Variants in ATG4C observed in about 807,000 individuals in gnomAD.
The protein encoded by ATG4C is autophagy related 4C cysteine peptidase.
Under a neutral mutation model 57.6 loss-of-function variants are expected in ATG4C, and 56 were observed. That is an observed-to-expected ratio of 0.97 (90% CI 0.78 to 1.21). The LOEUF is 1.21. ATG4C is among the 50% of genes most tolerant of loss of function. The probability of loss-of-function intolerance (pLI) is 0.00; values close to 1 mark genes in which losing one functional copy is unlikely to be tolerated. For missense variants in ATG4C, 595 were observed against 529.8 expected, an observed-to-expected ratio of 1.12 and a Z score of -1.21; for synonymous variants, 157 against 174.1, an observed-to-expected ratio of 0.90 and a Z score of 0.78.
chr1:62,819,720 G>T (rs893948589), intron 5 of ATG4C, among the ~76,000 whole-genome samples: 4 of 151,862 alleles, frequency 2.6e-5, no homozygotes, highest in African/African-American at 9.7e-5. Flanking sequence ...GTAATGAAAT[G>T]TCAAGAGCTA....
Position 62,816,809 on chromosome 1 carries a change from G to T in ATG4C, c.394+1G>T. The T allele has an allele frequency of 1.3e-6, 2 of 1,511,320 alleles. No individual in the cohort carries two copies. Among genetic ancestry groups the T allele is most frequent in the Non-Finnish European group, 1.8e-6 (2 of 1,126,258 alleles). The allele number at this position is 1,511,320 out of a possible 1,614,324, so 93.6% of individuals were successfully genotyped here. A position where few individuals can be genotyped will look rare whatever the true frequency, so the allele number is the denominator to read the frequency against. On this transcript the variant is annotated splice_donor_variant, in intron 4 of 10. Coordinates refer to ENST00000317868, the MANE Select transcript of ATG4C (RefSeq NM_032852.4). LOFTEE classifies it high-confidence loss of function. ...CTCATACTACACTTTCTTGGTAGAGGTAAATCAAATTTCTGTTTTTGTTTT... is the reference window on the plus strand; with the variant it reads ...CTCATACTACACTTTCTTGGTAGAGTTAAATCAAATTTCTGTTTTTGTTTT...
chr1:62,829,124 C>T lies in ATG4C; in HGVS notation c.881C>T (p.Pro294Leu). 4 of 1,613,036 alleles carry T rather than the reference C, an allele frequency of 2.5e-6. No individual in the cohort carries two copies. Among genetic ancestry groups the T allele is most frequent in the Non-Finnish European group, 3.4e-6 (4 of 1,179,394 alleles). ...ADDKAVIILV[P>L]VRLGGERTNT... ...GACAAAGCTGTTATTATTCTAGTTC[C>T]TGTTAGACTTGGTGGAGAAAGAACC... The change falls in exon 7 of 11, where the codon CCT (proline) becomes CTT (leucine). Residue 294 changes from proline (P) to leucine (L), a missense_variant. Coordinates refer to ENST00000317868, the MANE Select transcript of ATG4C (RefSeq NM_032852.4).
At chr1:62,858,595 A>G (rs1666755887) in intron 10 of ATG4C, among the ~76,000 whole-genome samples, 1 of 152,202 alleles carries the variant, frequency 6.6e-6, no homozygotes. Context: ...GAATCAATGA[A>G]GGAGGAGATA....
intron 10 of ATG4C, among the ~76,000 whole-genome samples, chr1:62,860,190 G>A (rs1666807540): frequency 6.6e-6 from 1 of 152,106 alleles, no homozygotes; most frequent in South Asian, 2.1e-4. Flanking sequence ...GGTCTCCAGG[G>A]ATGGTAACAC....
chr1:62,802,753 C>T (rs889884607), intron 1 of ATG4C, among the ~76,000 whole-genome samples: 7 of 152,136 alleles, frequency 4.6e-5, no homozygotes, highest in Non-Finnish European at 1.0e-4. Context: ...CTTTTTTAGA[C>T]ATCTCATGCC....
intron 10 of ATG4C, among the ~76,000 whole-genome samples, chr1:62,844,820 T>G (rs750087881): frequency 7.9e-5 from 12 of 152,086 alleles, no homozygotes; most frequent in Non-Finnish European, 1.6e-4. Flanking sequence ...TTGTTAATGA[T>G]ATTTTTATAT....
At chr1:62,831,876 G>A (rs555653738) in intron 7 of ATG4C, among the ~76,000 whole-genome samples, 3 of 152,240 alleles carry the variant, frequency 2.0e-5, no homozygotes, top group African/African-American at 7.2e-5. Flanking sequence ...TCTTTCTTCC[G>A]TTACTTAGAA....
intron 3 of ATG4C, among the ~76,000 whole-genome samples, chr1:62,806,630 G>C (rs760678922): frequency 6.6e-6 from 1 of 152,130 alleles, no homozygotes; most frequent in Non-Finnish European, 1.5e-5. Flanking sequence ...TAGGATTGGG[G>C]ATATAGGAAA....
intron 1 of ATG4C, among the ~76,000 whole-genome samples, chr1:62,793,661 C>G (rs1226318135): frequency 6.8e-6 from 1 of 146,960 alleles, no homozygotes; most frequent in African/African-American, 2.5e-5. Context: ...CACAAAACAC[C>G]AAAAAACAAA....
chr1:62,838,045 C>T (rs1666049652), intron 9 of ATG4C, among the ~76,000 whole-genome samples: 1 of 152,130 alleles, frequency 6.6e-6, no homozygotes, highest in Non-Finnish European at 1.5e-5. Context: ...CATAGCTGTA[C>T]CTATAAGCAT....
At chr1:62,790,328 AAG>A (rs1278188140) in intron 1 of ATG4C, among the ~76,000 whole-genome samples, 1 of 152,184 alleles carries the variant, frequency 6.6e-6, no homozygotes, top group East Asian at 1.9e-4. Context: ...TGTTTTCCCA[AAG>A]AGAGAATTCT....
chr1:62,805,170 A>G lies in ATG4C; in HGVS notation c.77-2A>G, dbSNP rs768565980. The G allele has an allele frequency of 1.1e-4, 166 of 1,471,628 alleles. No homozygotes were observed. Among genetic ancestry groups the G allele is most frequent in the Non-Finnish European group, 1.4e-4 (154 of 1,124,568 alleles). 91.2% of individuals were successfully genotyped at this position (1,471,628 alleles called of 1,614,324 possible). Reference sequence around the variant, plus strand: ...TTCTTTTCTTTTTTTTTTTTTTGCTAGGTTGGGTGTTGAAAACAAAGACGT... The same window carrying G: ...TTCTTTTCTTTTTTTTTTTTTTGCTGGGTTGGGTGTTGAAAACAAAGACGT... On this transcript the variant is annotated splice_acceptor_variant, in intron 2 of 10. Transcript: ENST00000317868. LOFTEE classifies it high-confidence loss of function.
chr1:62,798,492 G>A (rs574366240), intron 1 of ATG4C, among the ~76,000 whole-genome samples: 307 of 152,198 alleles, frequency 2.0e-3, no homozygotes, highest in Admixed American at 3.9e-3. Context: ...TTTAATATGT[G>A]GTAAGGCAAC....
rs1208085733 is a variant in ATG4C at position 62,841,522 on chromosome 1, A to G, written c.1184A>G (p.Lys395Arg). ...GFYCRNVQDF[K>R]RASEEITKML... ...TACTGTCGAAATGTTCAGGACTTCA[A>G]ACGAGCTTCTGAAGAAATCACCAAG... is the stretch of plus-strand genomic sequence containing the variant. The change falls in exon 10 of 11, where the codon AAA (lysine) becomes AGA (arginine). Residue 395 changes from lysine to arginine, a missense_variant. Physicochemically the swap from Lys to Arg is conservative, Grantham distance 26. Coordinates refer to ENST00000317868, the MANE Select transcript of ATG4C (RefSeq NM_032852.4). The G allele has an allele frequency of 2.5e-6, 4 of 1,594,598 alleles. No homozygotes were observed. Among genetic ancestry groups the G allele is most frequent in the Non-Finnish European group, 3.4e-6 (4 of 1,170,266 alleles).
intron 1 of ATG4C, among the ~76,000 whole-genome samples, chr1:62,791,972 A>G (rs1042796425): frequency 1.3e-5 from 2 of 152,012 alleles, no homozygotes; most frequent in African/African-American, 4.8e-5. Context: ...TGCTCGGTCT[A>G]CCATGTCAAC....
intron 4 of ATG4C, among the ~76,000 whole-genome samples, chr1:62,817,426 A>G (rs1345968957): frequency 1.3e-5 from 2 of 152,164 alleles, no homozygotes; most frequent in African/African-American, 4.8e-5. Flanking sequence ...GCTCATTGCA[A>G]CTTCGAACTC....
intron 10 of ATG4C, among the ~76,000 whole-genome samples, chr1:62,853,554 C>T (rs771894429): frequency 6.6e-6 from 1 of 152,156 alleles, no homozygotes; most frequent in Non-Finnish European, 1.5e-5. Flanking sequence ...TCAAGCAATC[C>T]TCCCACCTCA....
At chr1:62,858,936 T>A (rs980381728) in intron 10 of ATG4C, among the ~76,000 whole-genome samples, 4 of 152,228 alleles carry the variant, frequency 2.6e-5, no homozygotes, top group Admixed American at 2.6e-4. Context: ...ATACTCTTTT[T>A]TATATACAGT....
rs372685221 is a variant in ATG4C, at chr1:62,864,190, A to T, written c.*31A>T. The T allele has an allele frequency of 6.5e-7, 1 of 1,550,350 alleles. No individual in the cohort carries two copies. Among genetic ancestry groups the T allele is most frequent in the Non-Finnish European group, 8.7e-7 (1 of 1,153,848 alleles). On this transcript the variant is annotated 3_prime_UTR_variant, in exon 11 of 11. Coordinates refer to ENST00000317868, the MANE Select transcript of ATG4C (RefSeq NM_032852.4). ...AGCACATTTGTGCTTGATAAGAAGAATTCCATTGAAAGGGGAAAAATGAAG... is the reference window on the plus strand; with the variant it reads ...AGCACATTTGTGCTTGATAAGAAGATTTCCATTGAAAGGGGAAAAATGAAG...
Sources: gnomAD v4.1 joint callset for allele counts (sites outside exome capture counted in the v4.1 genomes callset) on GRCh38, gnomAD v4.1.1 for gene constraint, MANE v1.5 for transcripts, NCBI Gene and HGNC (gene_info 2026-07-23, HGNC 2026-07-21) for gene names.